Variants in FCGR3A observed in about 807,000 individuals in gnomAD.
FCGR3A encodes Fc gamma receptor IIIa.
A neutral mutation model predicts 24.1 loss-of-function variants in FCGR3A; 13 were observed. The ratio of observed to expected loss-of-function variants is 0.54; its 90% CI spans 0.35 to 0.86. The LOEUF is 0.86. Among genes scored for constraint, FCGR3A ranks in the 40% least tolerant of loss-of-function variants. The pLI, the probability that FCGR3A is intolerant of heterozygous loss-of-function variation, is 0.01. For missense variants in FCGR3A, 235 were observed against 298.0 expected (o/e 0.79, Z 1.56); for synonymous variants, 93 against 112.2 (o/e 0.83, Z 1.08).
At chr1:161,549,655 G>T (rs1182889098) in intron 1 of FCGR3A, 42 bp downstream of exon 1, 1 of 1,611,246 alleles carries the variant, frequency 6.2e-7, no homozygotes, top group South Asian at 1.1e-5. Flanking sequence ...TGAACCCAAG[G>T]CATCTCAAAC....
chr1:161,541,858 C>A lies in FCGR3A; in HGVS notation c.*1154G>T, dbSNP rs147866172. ...GCTTTATTGGAACCAAGAAATGTTG[C>A]GCTTAAAGCTTACAAAACAGAGACA... is the stretch of plus-strand genomic sequence containing the variant. On this transcript the variant is annotated 3_prime_UTR_variant, in exon 5 of 5. Transcript: ENST00000443193. 6.6e-6 allele frequency: 1 copy of A among 152,284 alleles called. No homozygotes were observed. The highest frequency in any genetic ancestry group is 1.9e-4 in the East Asian group (1 of 5,322). 9.4% of individuals were successfully genotyped at this position (152,284 alleles called of 1,614,324 possible). A position where few individuals can be genotyped will look rare whatever the true frequency, so the allele number is the denominator to read the frequency against.
Position 161,549,689 on chromosome 1 carries a change from T to C in FCGR3A, c.40+8A>G, listed in dbSNP as rs1381252218. 3 of 1,613,542 alleles carry C rather than the reference T, an allele frequency of 1.9e-6. No homozygotes were observed. Among genetic ancestry groups the C allele is most frequent in the Non-Finnish European group, 2.5e-6 (3 of 1,179,802 alleles). On this transcript the variant is annotated splice_region_variant and intron_variant, in intron 1 of 4. Coordinates refer to ENST00000443193, the MANE Select transcript of FCGR3A (RefSeq NM_000569.8). ...ACTTCTCCCTCAACCAGGGAGACCC[T>C]GACTTACCTAGAAGTAGCAGAGCAG... is the stretch of plus-strand genomic sequence containing the variant.
At position 161,549,692 on chromosome 1, in the gene FCGR3A, C is replaced by T. The variant is rs1389522900; in HGVS notation, c.40+5G>A. 2.5e-6 allele frequency: 4 copies of T among 1,613,672 alleles called. No individual in the cohort carries two copies. In the Admixed American group the frequency reaches 6.7e-5, roughly 27 times the overall value. ...TCTCCCTCAACCAGGGAGACCCTGA[C>T]TTACCTAGAAGTAGCAGAGCAGTTG... On this transcript the variant is annotated splice_donor_5th_base_variant and intron_variant, in intron 1 of 4. Transcript: ENST00000443193.
At chr1:161,549,904 T>C (rs1677671980), upstream of FCGR3A, 1 of 1,582,814 alleles carries the variant, frequency 6.3e-7, no homozygotes, top group Non-Finnish European at 8.6e-7. Context: ...GTCTGAAGTC[T>C]GGCAAGGGAG....
chr1:161,545,911 G>T lies in FCGR3A; in HGVS notation c.320-953C>A, dbSNP rs539907064. ...AAGTATTATGCACAGAAAAAAGAAG[G>T]ATATGCACTTACATATTAACAGGGG... On this transcript the variant is annotated intron_variant, in intron 3 of 4. Coordinates refer to ENST00000443193, the MANE Select transcript of FCGR3A (RefSeq NM_000569.8). 5.3e-5 allele frequency: 8 copies of T among 152,132 alleles called. No individual in the cohort carries two copies. In the East Asian group the frequency reaches 1.5e-3, roughly 29 times the overall value. 9.4% of individuals were successfully genotyped at this position (152,132 alleles called of 1,614,324 possible).
At chr1:161,550,291 A>G (rs1677699682), upstream of FCGR3A, among the ~76,000 whole-genome samples, 1 of 152,242 alleles carries the variant, frequency 6.6e-6, no homozygotes, top group Admixed American at 6.5e-5. Flanking sequence ...TCTCTGCCTC[A>G]ATATTATCTC....
intron 2 of FCGR3A, among the ~76,000 whole-genome samples, 156 bp downstream of exon 2, chr1:161,548,855 G>A (rs1677599383): frequency 6.6e-6 from 1 of 151,654 alleles, no homozygotes; most frequent in Admixed American, 6.6e-5. Context: ...AAGCTGGCCA[G>A]AGAAGCACAG....
chr1:161,543,007 G>A lies in FCGR3A; in HGVS notation c.*5C>T. The A allele has an allele frequency of 6.2e-7, 1 of 1,605,876 alleles. No individual in the cohort carries two copies. Among genetic ancestry groups the A allele is most frequent in the South Asian group, 1.1e-5 (1 of 90,430 alleles). On this transcript the variant is annotated 3_prime_UTR_variant, in exon 5 of 5. Coordinates refer to ENST00000443193, the MANE Select transcript of FCGR3A (RefSeq NM_000569.8). ...ACTGCTCTTATTACCCCCATGGGAT[G>A]GGGGTCATTTGTCTTGAGGGTCCTT...
intron 4 of FCGR3A, among the ~76,000 whole-genome samples, chr1:161,543,658 A>G (rs449463): frequency 0.37 from 54,228 of 145,222 alleles, 5,187 homozygotes; most frequent in East Asian, 0.51. Flanking sequence ...CATTGTTTAC[A>G]TGTTACCCCA....
upstream of FCGR3A, chr1:161,550,117 C>A (rs985089893): frequency 1.1e-5 from 6 of 530,614 alleles, no homozygotes; most frequent in African/African-American, 1.2e-4. Flanking sequence ...ACAGTGAGAC[C>A]CTGGGGATGA....
chr1:161,544,691 C>T lies in FCGR3A; in HGVS notation c.577+10G>A. The T allele has an allele frequency of 6.2e-7, 1 of 1,610,842 alleles. No individual in the cohort carries two copies. Among genetic ancestry groups the T allele is most frequent in the Non-Finnish European group, 8.5e-7 (1 of 1,178,176 alleles). On this transcript the variant is annotated intron_variant, in intron 4 of 4. Coordinates refer to ENST00000443193, the MANE Select transcript of FCGR3A (RefSeq NM_000569.8). ...CGTCCCTGGGCATTCCAGGGTGGCA[C>T]ATGTCTCACCTTGAGTGATGGTGAT... is the stretch of plus-strand genomic sequence containing the variant.
chr1:161,547,460 G>C (rs1352662422), intron 3 of FCGR3A, among the ~76,000 whole-genome samples: 1 of 152,152 alleles, frequency 6.6e-6, no homozygotes, highest in East Asian at 1.9e-4. Context: ...TGGTAAGATT[G>C]TAGGGACACC....
chr1:161,544,788 G>C lies in FCGR3A; in HGVS notation c.490C>G (p.Leu164Val). 1 of 1,613,720 alleles carries C rather than the reference G, an allele frequency of 6.2e-7. No individual in the cohort carries two copies. Among genetic ancestry groups the C allele is most frequent in the Non-Finnish European group, 8.5e-7 (1 of 1,179,760 alleles). The stretch of plus-strand genomic sequence containing the variant: ...CAGAAGTAGGAGCCGCTGTCTTTGA[G>C]TGTGGCTTTTGGAATGTAGAAGTCA... ...NSDFYIPKAT[L>V]KDSGSYFCRG... The change falls in exon 4 of 5, where the codon CTC (leucine) becomes GTC (valine). Residue 164 changes from leucine (L) to valine (V), a missense_variant. Physicochemically the swap from Leu to Val is conservative, Grantham distance 32 (BLOSUM62 1). Transcript: ENST00000443193.
chr1:161,549,488 G>C (rs1237850040), intron 1 of FCGR3A, among the ~76,000 whole-genome samples: 1 of 152,002 alleles, frequency 6.6e-6, no homozygotes, highest in Non-Finnish European at 1.5e-5. Context: ...GAAGTGACTG[G>C]CCTCACTCAT....
At chr1:161,549,890 C>T (rs1342982372), upstream of FCGR3A, 6 of 1,601,886 alleles carry the variant, frequency 3.7e-6, no homozygotes, top group South Asian at 6.7e-5. Flanking sequence ...CATCTGACTT[C>T]TCAGTCTGAA....
chr1:161,550,167 A>G (rs1425116647), upstream of FCGR3A: 16 of 507,722 alleles, frequency 3.2e-5, no homozygotes, highest in Non-Finnish European at 5.2e-5. Flanking sequence ...GGCTTCCTTC[A>G]TTTCACCTCA....
intron 4 of FCGR3A, among the ~76,000 whole-genome samples, chr1:161,544,157 A>T (rs1677273961): frequency 6.6e-6 from 1 of 151,952 alleles, no homozygotes; most frequent in Non-Finnish European, 1.5e-5. Context: ...TTTAGCACAG[A>T]GTCTAGCACA....
At position 161,544,776 on chromosome 1, in the gene FCGR3A, C is replaced by T. The variant is rs200049912; in HGVS notation, c.502G>A (p.Gly168Ser). 273 of 1,613,404 alleles carry T rather than the reference C, an allele frequency of 1.7e-4. 1 individual carries two copies. The highest frequency in any genetic ancestry group is 6.7e-5 in the East Asian group (3 of 44,886). The change falls in exon 4 of 5, where the codon GGC (glycine) becomes AGC (serine). Residue 168 changes from glycine to serine, a missense_variant. Coordinates refer to ENST00000443193, the MANE Select transcript of FCGR3A (RefSeq NM_000569.8). ...AAAAGCCCCCTGCAGAAGTAGGAGCCGCTGTCTTTGAGTGTGGCTTTTGGA... is the reference window on the plus strand; with the variant it reads ...AAAAGCCCCCTGCAGAAGTAGGAGCTGCTGTCTTTGAGTGTGGCTTTTGGA... ...YIPKATLKDS[G>S]SYFCRGLFGS...
In FCGR3A at chr1:161,546,690, A is replaced by G. The variant is rs180923798; in HGVS notation, c.319+1731T>C. 2.0e-3 allele frequency among the ~76,000 whole-genome samples: 300 copies of G among 151,904 alleles called. 2 individuals are homozygous for G. The highest frequency in any genetic ancestry group is 6.6e-3 in the African/African-American group (272 of 41,340). ...GGAGGCCGAGGTGGGCAGATCATGAAGTCAGGAGATCAAGACCATCCTGGC... is the reference window on the plus strand; with the variant it reads ...GGAGGCCGAGGTGGGCAGATCATGAGGTCAGGAGATCAAGACCATCCTGGC... On this transcript the variant is annotated intron_variant, in intron 3 of 4. Coordinates refer to ENST00000443193, the MANE Select transcript of FCGR3A (RefSeq NM_000569.8).
Sources: allele counts gnomAD v4.1 joint callset (sites outside exome capture counted in the v4.1 genomes callset), GRCh38; gene constraint gnomAD v4.1.1; transcripts MANE v1.5; gene names NCBI Gene and HGNC (gene_info 2026-07-23, HGNC 2026-07-21).